The following PARD3B variants were observed in gnomAD, a reference collection of about 807,000 sequenced individuals.
The protein encoded by PARD3B is partitioning defective 3 homolog B.
Under a neutral mutation model 130.2 loss-of-function variants are expected in PARD3B, and 103 were observed. That is an observed-to-expected ratio of 0.79 (90% CI 0.67 to 0.93). The LOEUF (loss-of-function observed/expected upper bound fraction) is 0.93, where lower values mean the gene tolerates loss of function less well. Ranked by LOEUF, PARD3B falls within the 40% of genes least tolerant of loss-of-function variation. The pLI, the probability that PARD3B is intolerant of heterozygous loss-of-function variation, is 0.00. For missense variants in PARD3B, 1,609 were observed against 1,499.2 expected (o/e 1.07, Z -1.21); for synonymous variants, 583 against 553.2 (o/e 1.05, Z -0.76).
At chr2:204,841,186 G>T (rs1281747665) in intron 2 of PARD3B, among the ~76,000 whole-genome samples, 1 of 152,016 alleles carries the variant, frequency 6.6e-6, no homozygotes, top group African/African-American at 2.4e-5. Context: ...ACTTGGTAAG[G>T]CTCCCTCCTT....
At chr2:205,516,038 T>G (rs1368046725) in intron 21 of PARD3B, among the ~76,000 whole-genome samples, 1 of 152,166 alleles carries the variant, frequency 6.6e-6, no homozygotes, top group African/African-American at 2.4e-5. Flanking sequence ...CCAGCACCAT[T>G]TATTGAAGAG....
intron 2 of PARD3B, among the ~76,000 whole-genome samples, chr2:204,839,682 C>T (rs2044190870): frequency 6.6e-6 from 1 of 152,050 alleles, no homozygotes; most frequent in African/African-American, 2.4e-5. Flanking sequence ...CATTTGACAA[C>T]AAATGCAGGG....
intron 2 of PARD3B, among the ~76,000 whole-genome samples, chr2:204,949,690 T>A (rs532994236): frequency 2.6e-4 from 40 of 152,194 alleles, no homozygotes; most frequent in Non-Finnish European, 4.7e-4. Flanking sequence ...ACTAATAGCA[T>A]TTTTTAATTT....
At chr2:204,580,646 C>G (rs1253630438) in intron 1 of PARD3B, among the ~76,000 whole-genome samples, 1 of 152,108 alleles carries the variant, frequency 6.6e-6, no homozygotes, top group Non-Finnish European at 1.5e-5. Flanking sequence ...TGCACCTTCT[C>G]CCTAGGTGTC....
chr2:204,686,439 C>G (rs1376572576), intron 2 of PARD3B, among the ~76,000 whole-genome samples, 157 bp downstream of exon 2: 2 of 152,164 alleles, frequency 1.3e-5, no homozygotes, highest in Non-Finnish European at 2.9e-5. Flanking sequence ...AGTTCTTCAT[C>G]AGATGTTTGG....
intron 2 of PARD3B, among the ~76,000 whole-genome samples, chr2:204,885,692 G>T (rs946450826): frequency 6.6e-5 from 10 of 152,112 alleles, no homozygotes; most frequent in Non-Finnish European, 1.5e-4. Flanking sequence ...GAAACAATTT[G>T]TTGAGCCTGA....
intron 15 of PARD3B, among the ~76,000 whole-genome samples, chr2:205,242,854 A>G (rs2039411188): frequency 6.6e-6 from 1 of 152,008 alleles, no homozygotes; most frequent in South Asian, 2.1e-4. Context: ...CATTTCTCAT[A>G]TGGAGAAACT....
At chr2:204,560,782 T>C (rs2031257604) in intron 1 of PARD3B, among the ~76,000 whole-genome samples, 1 of 152,074 alleles carries the variant, frequency 6.6e-6, no homozygotes, top group Admixed American at 6.5e-5. Flanking sequence ...CTACCTTTTT[T>C]ATTGATTGCG....
Position 205,229,709 on chromosome 2 carries a change from A to C in PARD3B, c.2141-16069A>C, listed in dbSNP as rs994983879. Among the ~76,000 whole-genome samples the C allele has an allele frequency of 5.3e-5, 8 of 152,136 alleles. No individual in the cohort carries two copies. Among genetic ancestry groups the C allele is most frequent in the African/African-American group, 1.9e-4 (8 of 41,440 alleles). ...AGGACACTAGAGCTCCGCAATAAGC[A>C]GGTGGTAAAGCCACCCAGGCTTGTG... is the stretch of plus-strand genomic sequence containing the variant. On this transcript the variant is annotated intron_variant, in intron 15 of 22. Coordinates refer to ENST00000406610, the MANE Select transcript of PARD3B (RefSeq NM_001302769.2). This position sits in a 1 kb window ranked among gnomAD's most constrained non-coding sequence, Gnocchi z 5.2.
intron 22 of PARD3B, among the ~76,000 whole-genome samples, chr2:205,594,443 C>T (rs1471513867): frequency 6.6e-6 from 1 of 152,076 alleles, no homozygotes; most frequent in Non-Finnish European, 1.5e-5. Flanking sequence ...GCAAACTGAA[C>T]ACAATGATGT....
chr2:205,223,618 C>CA (rs59815698), intron 15 of PARD3B, among the ~76,000 whole-genome samples: 35,877 of 151,628 alleles, frequency 0.24, 4,781 homozygotes, highest in East Asian at 0.38. Flanking sequence ...GTCCTGTATT[C>CA]AAAAAAACCA....
intron 3 of PARD3B, among the ~76,000 whole-genome samples, chr2:204,973,594 A>T (rs139560958): frequency 6.7e-6 from 1 of 150,280 alleles, no homozygotes; most frequent in Admixed American, 6.6e-5. Context: ...AAAATCCACT[A>T]ATTTAATTAT....
chr2:204,887,054 GT>G lies in PARD3B; in HGVS notation c.223-78090del, dbSNP rs919379337. Among the ~76,000 whole-genome samples, 2 of 151,968 alleles carry G rather than the reference GT, an allele frequency of 1.3e-5. No homozygotes were observed. Among genetic ancestry groups the G allele is most frequent in the East Asian group, 1.9e-4 (1 of 5,192 alleles). On this transcript the variant is annotated intron_variant, in intron 2 of 22. Transcript: ENST00000406610. This position sits in a 1 kb window ranked among gnomAD's most constrained non-coding sequence, Gnocchi z 4.2. ...CCCTTTGAGGCATTTTTTTAAATCAGTTTTTTTTAATCAGCTTTTAGTTCCA... is the reference window on the plus strand; with the variant it reads ...CCCTTTGAGGCATTTTTTTAAATCAGTTTTTTTAATCAGCTTTTAGTTCCA...
At chr2:204,564,225 G>A (rs1368192200) in intron 1 of PARD3B, among the ~76,000 whole-genome samples, 3 of 152,114 alleles carry the variant, frequency 2.0e-5, no homozygotes, top group African/African-American at 4.8e-5. Flanking sequence ...CCTTTCCTTC[G>A]GGGCTTCACA....
At chr2:205,582,790 C>G (rs903966295) in intron 22 of PARD3B, among the ~76,000 whole-genome samples, 3 of 151,404 alleles carry the variant, frequency 2.0e-5, no homozygotes, top group Non-Finnish European at 4.4e-5. Flanking sequence ...ATTAGTGACA[C>G]TTATAGGGAA....
intron 3 of PARD3B, among the ~76,000 whole-genome samples, chr2:204,986,633 C>A (rs1428743418): frequency 1.3e-5 from 2 of 152,296 alleles, no homozygotes; most frequent in South Asian, 2.1e-4. Flanking sequence ...TTAGATTTCA[C>A]AGATGAGGAT....
intron 20 of PARD3B, among the ~76,000 whole-genome samples, chr2:205,464,950 C>G (rs2048571728): frequency 6.6e-6 from 1 of 152,172 alleles, no homozygotes; most frequent in African/African-American, 2.4e-5. Context: ...CTGGGCTACT[C>G]TGGGTTCAGC....
At position 205,268,118 on chromosome 2, in the gene PARD3B, A is replaced by G. The variant is rs1313679877; in HGVS notation, c.2185+22296A>G. Among the ~76,000 whole-genome samples the G allele has an allele frequency of 6.6e-6, 1 of 152,208 alleles. No homozygotes were observed. Among genetic ancestry groups the G allele is most frequent in the Non-Finnish European group, 1.5e-5 (1 of 68,030 alleles). ...CTCCTTGCCTTCTCCAATGAGAAAG[A>G]ATGCTGACACAGAAATGTTTTAGAG... On this transcript the variant is annotated intron_variant, in intron 16 of 22. Transcript: ENST00000406610. The surrounding 1 kb of genome is among the most constrained non-coding windows in gnomAD (Gnocchi z 4.1).
At chr2:204,562,311 C>T (rs150300819) in intron 1 of PARD3B, among the ~76,000 whole-genome samples, 290 of 152,262 alleles carry the variant, frequency 1.9e-3, no homozygotes, top group Non-Finnish European at 3.0e-3. Context: ...ATCCTCACAG[C>T]GCTAAGATCT....
Sources: gnomAD v4.1 joint callset for allele counts (sites outside exome capture counted in the v4.1 genomes callset) on GRCh38, gnomAD v4.1.1 for gene constraint, Gnocchi (gnomAD v3.1) non-coding constraint, MANE v1.5 for transcripts, NCBI Gene and HGNC (gene_info 2026-07-23, HGNC 2026-07-21) for gene names.